Variants in APP observed in about 807,000 individuals in gnomAD.
APP encodes the protein amyloid-beta precursor protein.
In APP, 31 loss-of-function variants were observed where a neutral mutation model predicts 101.4. The ratio of observed to expected loss-of-function variants is 0.31; its 90% CI spans 0.23 to 0.41. The LOEUF is 0.41. Among genes scored for constraint, APP ranks in the 10% least tolerant of loss-of-function variants. The pLI, the probability that APP is intolerant of heterozygous loss-of-function variation, is 1.00. For synonymous variants in APP, 366 were observed against 364.4 expected (o/e 1.00, Z -0.05); for missense variants, 839 against 1,003.7 (o/e 0.84, Z 2.22).
chr21:25,957,304 G>A (rs897317939), intron 11 of APP, among the ~76,000 whole-genome samples: 1 of 152,192 alleles, frequency 6.6e-6, no homozygotes. Flanking sequence ...AAGAGGTAAT[G>A]ACTGATAAGC....
intron 13 of APP, chr21:25,942,679 T>C (rs2040626896): frequency 6.6e-6 from 1 of 152,226 alleles, no homozygotes; most frequent in Non-Finnish European, 1.5e-5. Context: ...ATTTAATACA[T>C]ATTTATTGAA....
At chr21:25,970,811 T>G (rs1165674418) in intron 11 of APP, among the ~76,000 whole-genome samples, 2 of 152,126 alleles carry the variant, frequency 1.3e-5, no homozygotes, top group Admixed American at 6.6e-5. Flanking sequence ...AATAGTATCT[T>G]ACGTCTTGGA....
chr21:26,080,975 T>C (rs931243010), intron 3 of APP, among the ~76,000 whole-genome samples: 1 of 152,136 alleles, frequency 6.6e-6, no homozygotes, highest in African/African-American at 2.4e-5. Flanking sequence ...TACAACAATA[T>C]GTTATACTGA....
intron 1 of APP, among the ~76,000 whole-genome samples, chr21:26,116,059 C>A (rs1011908645): frequency 1.1e-4 from 16 of 152,168 alleles, no homozygotes; most frequent in Non-Finnish European, 1.9e-4. Context: ...TTCTTGTAAA[C>A]TGAATGACTT....
intron 1 of APP, among the ~76,000 whole-genome samples, chr21:26,141,443 A>G (rs927175641): frequency 6.6e-6 from 1 of 152,216 alleles, no homozygotes; most frequent in African/African-American, 2.4e-5. Flanking sequence ...TTAACTGCCC[A>G]ATTTTGAAAA....
At chr21:25,996,666 CACTG>C (rs1235570531) in intron 8 of APP, among the ~76,000 whole-genome samples, 1 of 152,148 alleles carries the variant, frequency 6.6e-6, no homozygotes, top group Admixed American at 6.5e-5. Context: ...TTAGAAGTTC[CACTG>C]ACTGACTTAG....
At position 25,992,387 on chromosome 21, in the gene APP, C is replaced by CA. The variant is rs3084255; in HGVS notation, c.1090+4972dup. 5.6e-3 allele frequency among the ~76,000 whole-genome samples: 736 copies of CA among 131,668 alleles called. 4 individuals are homozygous for CA. The highest frequency in any genetic ancestry group is 0.012 in the African/African-American group (475 of 38,260). The allele number at this position is 131,668 out of a possible 152,430, so 86.4% of individuals were successfully genotyped here. A position where few individuals can be genotyped will look rare whatever the true frequency, so the allele number is the denominator to read the frequency against. ...TGGGCAACAGAGCGAGACTCCATCTCAAAAAAAAAAAAAAATTGTATAAAA... is the reference window on the plus strand; with the variant it reads ...TGGGCAACAGAGCGAGACTCCATCTCAAAAAAAAAAAAAAAATTGTATAAAA... On this transcript the variant is annotated intron_variant, in intron 8 of 17. Transcript: ENST00000346798.
chr21:26,071,394 C>G (rs1056856017), intron 3 of APP, among the ~76,000 whole-genome samples: 4 of 152,192 alleles, frequency 2.6e-5, no homozygotes, highest in African/African-American at 7.2e-5. Flanking sequence ...AGCAAGCATT[C>G]CAAGCAAGCA....
chr21:25,941,094 G>C (rs1342961918), intron 13 of APP, among the ~76,000 whole-genome samples: 1 of 152,188 alleles, frequency 6.6e-6, no homozygotes, highest in African/African-American at 2.4e-5. Flanking sequence ...CTCTCAAAAA[G>C]CTAACAATCA....
chr21:26,164,941 G>C (rs746009512), intron 1 of APP, among the ~76,000 whole-genome samples: 12 of 150,344 alleles, frequency 8.0e-5, no homozygotes, highest in Non-Finnish European at 1.2e-4. Flanking sequence ...TGTAAAAAAT[G>C]CTTATGCTTT....
intron 6 of APP, among the ~76,000 whole-genome samples, chr21:26,015,247 T>A (rs2043998868): frequency 2.2e-5 from 1 of 46,398 alleles, no homozygotes; most frequent in African/African-American, 8.4e-5. Context: ...TCAAATGCAA[T>A]GGAGGATCGG....
chr21:26,046,484 G>A (rs983968476), intron 5 of APP, among the ~76,000 whole-genome samples: 7 of 150,182 alleles, frequency 4.7e-5, no homozygotes, highest in Admixed American at 1.3e-4. Flanking sequence ...AATAAGACAC[G>A]GTCAAAAGGA....
chr21:26,012,259 A>G (rs2043841495), intron 6 of APP, among the ~76,000 whole-genome samples: 1 of 151,952 alleles, frequency 6.6e-6, no homozygotes, highest in Non-Finnish European at 1.5e-5. Context: ...TCAGCTTCCC[A>G]AAGTGCTGGG....
intron 9 of APP, among the ~76,000 whole-genome samples, chr21:25,981,788 T>G (rs1292170588): frequency 6.6e-6 from 1 of 150,850 alleles, no homozygotes; most frequent in African/African-American, 2.4e-5. Flanking sequence ...GCCTGGATTC[T>G]AAATGTTGTC....
At chr21:26,031,577 A>G (rs2044826784) in intron 5 of APP, among the ~76,000 whole-genome samples, 1 of 152,108 alleles carries the variant, frequency 6.6e-6, no homozygotes, top group Admixed American at 6.5e-5. Flanking sequence ...AATGAGGAAA[A>G]GGCAAGAGAA....
chr21:25,927,201 G>A (rs1457771270), intron 13 of APP, among the ~76,000 whole-genome samples: 1 of 152,134 alleles, frequency 6.6e-6, no homozygotes, highest in Non-Finnish European at 1.5e-5. Context: ...GGGCTGAAAA[G>A]CTCCCTCTTC....
intron 17 of APP, among the ~76,000 whole-genome samples, chr21:25,887,517 GAAA>G (rs199637906): frequency 0.24 from 27,982 of 114,360 alleles, 2,904 homozygotes; most frequent in South Asian, 0.4. Flanking sequence ...CTGCTTATTT[GAAA>G]AAAAAAAAAA....
At chr21:26,123,952 A>C (rs1001247747) in intron 1 of APP, among the ~76,000 whole-genome samples, 3 of 152,096 alleles carry the variant, frequency 2.0e-5, no homozygotes, top group African/African-American at 7.2e-5. Context: ...GAGAACATCA[A>C]ACATTTCTAG....
intron 6 of APP, among the ~76,000 whole-genome samples, chr21:26,019,611 C>G (rs1410515713): frequency 6.6e-6 from 1 of 152,214 alleles, no homozygotes; most frequent in Non-Finnish European, 1.5e-5. Context: ...TCCACATGGC[C>G]TAGCAAAATG....
Sources: allele counts gnomAD v4.1 joint callset (sites outside exome capture counted in the v4.1 genomes callset), GRCh38; gene constraint gnomAD v4.1.1; transcripts MANE v1.5; gene names NCBI Gene and HGNC (gene_info 2026-07-23, HGNC 2026-07-21).